Variants in AGBL4 observed in about 807,000 individuals in gnomAD.
The protein encoded by AGBL4 is AGBL carboxypeptidase 4, also known as cytosolic carboxypeptidase 6.
A neutral mutation model predicts 66.4 loss-of-function variants in AGBL4; 58 were observed. The ratio of observed to expected loss-of-function variants is 0.87; its 90% confidence interval spans 0.71 to 1.09. The LOEUF (loss-of-function observed/expected upper bound fraction) is 1.09, where lower values mean the gene tolerates loss of function less well. Among genes scored for constraint, AGBL4 ranks in the 50% least tolerant of loss-of-function variants. AGBL4 has a pLI of 0.00. For synonymous variants in AGBL4, 234 were observed against 222.9 expected (o/e 1.05, Z -0.44); for missense variants, 579 against 631.0 (o/e 0.92, Z 0.88).
chr1:48,794,745 CA>C (rs1214298427), intron 6 of AGBL4, among the ~76,000 whole-genome samples: 1 of 152,200 alleles, frequency 6.6e-6, no homozygotes, highest in Non-Finnish European at 1.5e-5. Flanking sequence ...TTTCAGATGT[CA>C]ATATTCCTCA....
intron 1 of AGBL4, among the ~76,000 whole-genome samples, chr1:49,937,634 A>C (rs552269510): frequency 6.6e-6 from 1 of 152,190 alleles, no homozygotes; most frequent in Non-Finnish European, 1.5e-5. Flanking sequence ...AATTATAACA[A>C]ACTGTCCCTC....
intron 3 of AGBL4, among the ~76,000 whole-genome samples, chr1:49,357,945 A>T (rs1311713274): frequency 6.6e-6 from 1 of 152,054 alleles, no homozygotes; most frequent in Non-Finnish European, 1.5e-5. Flanking sequence ...TCTAGGTCCC[A>T]TGTCCATGTC....
chr1:49,813,078 G>A (rs1645139780), intron 2 of AGBL4, among the ~76,000 whole-genome samples: 1 of 152,062 alleles, frequency 6.6e-6, no homozygotes, highest in Non-Finnish European at 1.5e-5. Context: ...AATGTTCCGG[G>A]TTGAAGGAAA....
At chr1:48,596,966 A>G (rs1013134240) in intron 9 of AGBL4, among the ~76,000 whole-genome samples, 3 of 152,126 alleles carry the variant, frequency 2.0e-5, no homozygotes, top group African/African-American at 7.2e-5. Context: ...TCTCCATCCT[A>G]CACTCTGGCC....
At chr1:49,851,969 T>G (rs1646316095) in intron 1 of AGBL4, among the ~76,000 whole-genome samples, 1 of 152,202 alleles carries the variant, frequency 6.6e-6, no homozygotes, top group Non-Finnish European at 1.5e-5. Context: ...AGTCATTCTA[T>G]AAATAGCATT....
chr1:49,826,327 A>C (rs917095139), intron 2 of AGBL4, among the ~76,000 whole-genome samples: 2 of 152,214 alleles, frequency 1.3e-5, no homozygotes, highest in African/African-American at 2.4e-5. Context: ...CCTATGAGAC[A>C]TTCTTTCAAC....
intron 4 of AGBL4, among the ~76,000 whole-genome samples, chr1:49,150,207 A>G (rs574281223): frequency 1.1e-3 from 175 of 152,304 alleles, no homozygotes; most frequent in African/African-American, 4.0e-3. Context: ...GTCACCAGAG[A>G]CAGGATAAAG....
intron 1 of AGBL4, among the ~76,000 whole-genome samples, chr1:49,963,102 G>T (rs1657253925): frequency 6.6e-6 from 1 of 152,070 alleles, no homozygotes; most frequent in Admixed American, 6.6e-5. Context: ...AAACATACGT[G>T]TGTGTTGGGT....
intron 4 of AGBL4, among the ~76,000 whole-genome samples, chr1:49,081,765 A>C (rs1283515019): frequency 6.6e-6 from 1 of 152,218 alleles, no homozygotes; most frequent in Non-Finnish European, 1.5e-5. Flanking sequence ...AAAAAGCCAA[A>C]GTTTTTTTAT....
At chr1:48,780,462 T>C (rs915659267) in intron 6 of AGBL4, among the ~76,000 whole-genome samples, 5 of 152,066 alleles carry the variant, frequency 3.3e-5, no homozygotes, top group African/African-American at 7.2e-5. Context: ...AAAGAGCCCA[T>C]GTAGCCAACA....
intron 6 of AGBL4, among the ~76,000 whole-genome samples, chr1:48,807,786 C>G (rs1017732815): frequency 7.2e-5 from 11 of 152,138 alleles, no homozygotes; most frequent in Non-Finnish European, 1.5e-4. Context: ...CCTGGCTCAG[C>G]AGGAGTGCTC....
intron 2 of AGBL4, among the ~76,000 whole-genome samples, chr1:49,815,734 T>TA (rs1645215259): frequency 6.6e-6 from 1 of 152,186 alleles, no homozygotes; most frequent in Admixed American, 6.5e-5. Context: ...GCTATTTCAT[T>TA]ATAGTTTTGC....
At chr1:48,834,104 T>C (rs1646621787) in intron 6 of AGBL4, among the ~76,000 whole-genome samples, 1 of 152,178 alleles carries the variant, frequency 6.6e-6, no homozygotes, top group African/African-American at 2.4e-5. Flanking sequence ...TTCCTTCCGA[T>C]TTCTCCCTTT....
At chr1:49,221,535 T>C (rs1227005902) in intron 4 of AGBL4, among the ~76,000 whole-genome samples, 27 of 152,200 alleles carry the variant, frequency 1.8e-4, no homozygotes, top group Admixed American at 1.8e-3. Flanking sequence ...GAGAATGCAC[T>C]ATCAATAGCC....
intron 6 of AGBL4, among the ~76,000 whole-genome samples, chr1:48,857,020 C>G (rs1647183961): frequency 6.6e-6 from 1 of 152,164 alleles, no homozygotes; most frequent in Admixed American, 6.5e-5. Context: ...AGATTTGAAT[C>G]CTGATTCCAT....
intron 1 of AGBL4, among the ~76,000 whole-genome samples, chr1:49,910,357 G>C (rs1295603708): frequency 2.0e-5 from 3 of 152,188 alleles, no homozygotes; most frequent in Admixed American, 1.3e-4. Context: ...ATTGCATTTG[G>C]TAAACTGGAG....
chr1:48,563,134 A>G (rs1644422199), intron 11 of AGBL4, among the ~76,000 whole-genome samples: 1 of 152,248 alleles, frequency 6.6e-6, no homozygotes. Context: ...AAAGAGAGCC[A>G]GGCTGCTGCC....
chr1:49,783,956 T>C (rs1205506227), intron 2 of AGBL4, among the ~76,000 whole-genome samples: 1 of 152,112 alleles, frequency 6.6e-6, no homozygotes, highest in African/African-American at 2.4e-5. Context: ...TAAGGGTTTG[T>C]ACACTGAAAA....
chr1:49,791,925 C>G (rs912119249), intron 2 of AGBL4, among the ~76,000 whole-genome samples: 1 of 152,008 alleles, frequency 6.6e-6, no homozygotes, highest in African/African-American at 2.4e-5. Flanking sequence ...TATGTACACC[C>G]TACGCCTAGC....
Sources: allele counts gnomAD v4.1 joint callset (sites outside exome capture counted in the v4.1 genomes callset), GRCh38; gene constraint gnomAD v4.1.1; transcripts MANE v1.5; gene names NCBI Gene and HGNC (gene_info 2026-07-23, HGNC 2026-07-21).